The following GALNTL6 variants were observed in gnomAD, a reference collection of about 807,000 sequenced individuals.
GALNTL6 encodes polypeptide N-acetylgalactosaminyltransferase-like 6.
GALNTL6 carries 46 observed loss-of-function variants against 73.7 expected under a neutral mutation model. That is an observed-to-expected ratio of 0.62 (90% CI 0.49 to 0.80). The LOEUF (loss-of-function observed/expected upper bound fraction) is 0.80, where lower values mean the gene tolerates loss of function less well. GALNTL6 is among the 30% of genes least tolerant of loss of function. GALNTL6 has a pLI of 0.00. For synonymous variants in GALNTL6, 259 were observed against 263.7 expected (o/e 0.98, Z 0.17); for missense variants, 604 against 755.0 (o/e 0.80, Z 2.34).
chr4:172,030,124 T>C (rs961827269), intron 2 of GALNTL6, among the ~76,000 whole-genome samples: 2 of 152,044 alleles, frequency 1.3e-5, no homozygotes, highest in African/African-American at 2.4e-5. Flanking sequence ...TGAGAAACAA[T>C]GTAGATTTTA....
intron 8 of GALNTL6, among the ~76,000 whole-genome samples, chr4:172,901,604 G>A (rs1419944859): frequency 1.3e-5 from 2 of 151,972 alleles, no homozygotes; most frequent in African/African-American, 4.8e-5. Context: ...ATGCATCTTT[G>A]TTTCCTGTTT....
intron 5 of GALNTL6, among the ~76,000 whole-genome samples, chr4:172,501,806 C>T (rs1229261619): frequency 6.6e-6 from 1 of 152,058 alleles, no homozygotes; most frequent in Non-Finnish European, 1.5e-5. Context: ...TATAAGCCTC[C>T]TATAGTTGAC....
chr4:172,800,073 T>C (rs1375642780), intron 5 of GALNTL6, among the ~76,000 whole-genome samples: 3 of 152,124 alleles, frequency 2.0e-5, no homozygotes, highest in African/African-American at 7.2e-5. Context: ...GTCAAACTTA[T>C]AAAAGCAGAA....
At chr4:172,652,922 T>C (rs1437754017) in intron 5 of GALNTL6, among the ~76,000 whole-genome samples, 1 of 152,172 alleles carries the variant, frequency 6.6e-6, no homozygotes, top group Non-Finnish European at 1.5e-5. Flanking sequence ...AAATTCTTTC[T>C]GTTTTAGTTG....
chr4:172,691,638 ACT>A (rs1333265701), intron 5 of GALNTL6, among the ~76,000 whole-genome samples: 1 of 152,046 alleles, frequency 6.6e-6, no homozygotes, highest in African/African-American at 2.4e-5. Context: ...AAGGCAGATG[ACT>A]CTGCCCCTAG....
rs964565565 is a variant in GALNTL6 at position 172,690,727 on chromosome 4, A to G, written c.554-118634A>G. ...TTTCCCAATTAAAACAAGAGAAAAT[A>G]TTATTTGCATATCTCTCAACTAACC... On this transcript the variant is annotated intron_variant, in intron 5 of 12. Coordinates refer to ENST00000506823, the MANE Select transcript of GALNTL6 (RefSeq NM_001034845.3). 1.1e-4 allele frequency among the ~76,000 whole-genome samples: 16 copies of G among 152,230 alleles called. 1 individual carries two copies. The highest frequency in any genetic ancestry group is 3.9e-4 in the African/African-American group (16 of 41,464).
Position 171,824,077 on chromosome 4 carries a change from T to TTTTATATATA in GALNTL6, c.138+9360_138+9361insTTATATATAT, listed in dbSNP as rs1301842709. Among the ~76,000 whole-genome samples the TTTTATATATA allele has an allele frequency of 6.5e-3, 843 of 129,062 alleles. 10 individuals are homozygous for TTTTATATATA. The highest frequency in any genetic ancestry group is 0.011 in the Non-Finnish European group (672 of 62,370). 84.7% of individuals were successfully genotyped at this position (129,062 alleles called of 152,430 possible). On this transcript the variant is annotated intron_variant, in intron 2 of 12. Coordinates refer to ENST00000506823, the MANE Select transcript of GALNTL6 (RefSeq NM_001034845.3). ...CTTAAGTCCTCAACACAAATCCATT[T>TTTTATATATA]TATATATATATATATATATATATAT...
intron 5 of GALNTL6, among the ~76,000 whole-genome samples, chr4:172,429,223 A>ATTTTATTTTATTT (rs1561079066): frequency 6.8e-6 from 1 of 147,158 alleles, no homozygotes; most frequent in South Asian, 2.1e-4. Flanking sequence ...ATTTTATTTT[A>ATTTTATTTTATTT]TTTTTTGAGA....
At chr4:172,251,606 G>A (rs1278165075) in intron 3 of GALNTL6, among the ~76,000 whole-genome samples, 1 of 152,168 alleles carries the variant, frequency 6.6e-6, no homozygotes, top group East Asian at 1.9e-4. Context: ...TCTAGGGACA[G>A]AGGGGCTTCC....
intron 2 of GALNTL6, among the ~76,000 whole-genome samples, chr4:171,888,969 A>G (rs1291203186): frequency 1.3e-5 from 2 of 152,098 alleles, no homozygotes; most frequent in African/African-American, 2.4e-5. Flanking sequence ...TCTGAAATTC[A>G]AAACAAAGAA....
At chr4:172,683,242 T>A (rs1183829395) in intron 5 of GALNTL6, among the ~76,000 whole-genome samples, 1 of 152,178 alleles carries the variant, frequency 6.6e-6, no homozygotes, top group African/African-American at 2.4e-5. Context: ...TACTGAAATT[T>A]CTTGGATCAT....
chr4:171,881,989 T>C (rs1043485235), intron 2 of GALNTL6, among the ~76,000 whole-genome samples: 17 of 152,218 alleles, frequency 1.1e-4, no homozygotes, highest in African/African-American at 4.1e-4. Context: ...TAACAATAAC[T>C]GACAATATAA....
intron 2 of GALNTL6, among the ~76,000 whole-genome samples, chr4:171,934,317 A>T (rs535408402): frequency 2.0e-5 from 3 of 152,350 alleles, no homozygotes; most frequent in Non-Finnish European, 4.4e-5. Context: ...ACATTCATGG[A>T]AGAGTTGACA....
intron 2 of GALNTL6, among the ~76,000 whole-genome samples, chr4:171,992,795 T>C (rs1740377975): frequency 6.6e-6 from 1 of 152,096 alleles, no homozygotes; most frequent in Non-Finnish European, 1.5e-5. Context: ...TTAATTGACC[T>C]CATTATAAAT....
chr4:172,275,548 G>C (rs545074300), intron 3 of GALNTL6, among the ~76,000 whole-genome samples: 1 of 152,146 alleles, frequency 6.6e-6, no homozygotes, highest in South Asian at 2.1e-4. Context: ...TACATGTAAA[G>C]CATTAAAGCT....
intron 2 of GALNTL6, among the ~76,000 whole-genome samples, chr4:171,979,015 C>G (rs1160690603): frequency 1.3e-5 from 2 of 152,108 alleles, no homozygotes; most frequent in Non-Finnish European, 2.9e-5. Context: ...TCAAGTCAAT[C>G]TCCAAATTTC....
intron 2 of GALNTL6, among the ~76,000 whole-genome samples, chr4:171,953,302 GA>G (rs1738946430): frequency 1.3e-5 from 2 of 151,296 alleles, no homozygotes; most frequent in Non-Finnish European, 2.9e-5. Context: ...GATACAGAAG[GA>G]AAATTAGCAG....
intron 5 of GALNTL6, among the ~76,000 whole-genome samples, chr4:172,383,513 T>C (rs1186915603): frequency 1.3e-5 from 2 of 152,170 alleles, no homozygotes; most frequent in Non-Finnish European, 2.9e-5. Context: ...TTCTCAGGAT[T>C]CTCTATATAC....
At chr4:172,272,102 G>A (rs60565114) in intron 3 of GALNTL6, among the ~76,000 whole-genome samples, 6,318 of 151,956 alleles carry the variant, frequency 0.042, 431 homozygotes, top group African/African-American at 0.14. Context: ...ACAGGTATGC[G>A]CCACCACGCC....
Sources: gnomAD v4.1 joint callset for allele counts (sites outside exome capture counted in the v4.1 genomes callset) on GRCh38, gnomAD v4.1.1 for gene constraint, MANE v1.5 for transcripts, NCBI Gene and HGNC (gene_info 2026-07-23, HGNC 2026-07-21) for gene names.